Variants in FBXO47 observed in about 807,000 individuals in gnomAD.
FBXO47 encodes the protein F-box protein 47.
FBXO47 carries 34 observed loss-of-function variants against 53.9 expected under a neutral mutation model. The ratio of observed to expected loss-of-function variants is 0.63; its 90% CI spans 0.48 to 0.84. FBXO47 has a LOEUF of 0.84. Ranked by LOEUF, FBXO47 falls within the 40% of genes least tolerant of loss-of-function variation. The pLI is 0.00. For missense variants in FBXO47, 485 were observed against 541.3 expected, an observed-to-expected ratio of 0.90 and a Z score of 1.03; for synonymous variants, 165 against 181.6, an observed-to-expected ratio of 0.91 and a Z score of 0.73.
chr17:38,961,751 ACAT>A, intron 3 of FBXO47, 123 bp downstream of exon 3: 1 of 791,044 alleles, frequency 1.3e-6, no homozygotes, highest in Non-Finnish European at 2.0e-6. Context: ...AAGAGTAAAA[ACAT>A]CATAGAAACA....
At chr17:38,941,309 ACAGGCACCTGCCACCACAC>A (rs1182110894) in intron 9 of FBXO47, among the ~76,000 whole-genome samples, 1 of 151,552 alleles carries the variant, frequency 6.6e-6, no homozygotes, top group Non-Finnish European at 1.5e-5. Flanking sequence ...AGCTGGGATT[ACAGGCACCTGCCACCACAC>A]CTGGCTAATT....
chr17:38,946,386 ATATATC>A lies in FBXO47; in HGVS notation c.617-1256_617-1251del, dbSNP rs1193819305. ...AATATATAGATATATATATAAATAT[ATATATC>A]TATATATAAATATATAGATATATAT... On this transcript the variant is annotated intron_variant, in intron 6 of 10. Coordinates refer to ENST00000378079, the MANE Select transcript of FBXO47 (RefSeq NM_001008777.3). Among the ~76,000 whole-genome samples the A allele has an allele frequency of 3.7e-4, 34 of 93,052 alleles. 1 individual carries two copies. Among genetic ancestry groups the A allele is most frequent in the Non-Finnish European group, 6.0e-4 (34 of 56,870 alleles). 61.0% of individuals were successfully genotyped at this position (93,052 alleles called of 152,430 possible).
At chr17:38,948,150 C>T (rs956264040) in intron 6 of FBXO47, among the ~76,000 whole-genome samples, 3 of 151,812 alleles carry the variant, frequency 2.0e-5, no homozygotes, top group Admixed American at 1.3e-4. Context: ...CTTTACCACC[C>T]CTAGCCCTAT....
chr17:38,965,935 A>C (rs1906095110), intron 1 of FBXO47, among the ~76,000 whole-genome samples: 1 of 151,836 alleles, frequency 6.6e-6, no homozygotes, highest in Admixed American at 6.6e-5. Context: ...ATACAGCTAA[A>C]CAAGAAGAAA....
chr17:38,942,949 A>G, intron 8 of FBXO47, 29 bp from the exon 9 acceptor site: 2 of 1,576,264 alleles, frequency 1.3e-6, no homozygotes, highest in South Asian at 2.3e-5. Flanking sequence ...CAATTATTTA[A>G]TGAGAAATCA....
chr17:38,951,754 G>T, intron 5 of FBXO47, 65 bp from the exon 6 acceptor site: 5 of 1,235,920 alleles, frequency 4.0e-6, no homozygotes, highest in Non-Finnish European at 5.9e-6. Flanking sequence ...AGTCACACCA[G>T]GCATGGTGGC....
intron 9 of FBXO47, among the ~76,000 whole-genome samples, chr17:38,942,274 G>A (rs529853107): frequency 6.6e-6 from 1 of 152,196 alleles, no homozygotes; most frequent in East Asian, 1.9e-4. Context: ...TAGAAGGGAT[G>A]ATTCCAAATA....
intron 6 of FBXO47, among the ~76,000 whole-genome samples, chr17:38,950,268 G>A (rs561979007): frequency 6.6e-6 from 1 of 151,926 alleles, no homozygotes; most frequent in African/African-American, 2.4e-5. Context: ...GTAGAATCAT[G>A]TAATATTTGT....
At chr17:38,962,171 G>T in intron 2 of FBXO47, 124 bp from the exon 3 acceptor site, 1 of 729,618 alleles carries the variant, frequency 1.4e-6, no homozygotes. Context: ...TCATCCCTTT[G>T]GGAAAAAAGG....
intron 6 of FBXO47, among the ~76,000 whole-genome samples, chr17:38,950,591 C>G (rs1383362441): frequency 6.6e-6 from 1 of 151,684 alleles, no homozygotes; most frequent in Non-Finnish European, 1.5e-5. Flanking sequence ...TGAGCCACTG[C>G]CCTCTGCCTG....
intron 6 of FBXO47, 70 bp downstream of exon 6, chr17:38,951,511 C>T (rs1046498082): frequency 2.0e-5 from 25 of 1,234,150 alleles, no homozygotes; most frequent in Non-Finnish European, 2.7e-5. Flanking sequence ...CTTTTAATTA[C>T]ATTTTTAAAA....
intron 6 of FBXO47, among the ~76,000 whole-genome samples, chr17:38,945,767 T>A (rs1294578638): frequency 6.6e-6 from 1 of 151,300 alleles, no homozygotes; most frequent in Non-Finnish European, 1.5e-5. Flanking sequence ...AAACCCTGTC[T>A]CTACTAAATA....
intron 9 of FBXO47, among the ~76,000 whole-genome samples, chr17:38,940,374 C>A (rs1426145330): frequency 2.0e-5 from 3 of 151,836 alleles, no homozygotes; most frequent in African/African-American, 7.3e-5. Flanking sequence ...TATAGTGCTG[C>A]CAAAATGATC....
intron 4 of FBXO47, 46 bp from the exon 5 acceptor site, chr17:38,954,979 G>T: frequency 7.5e-7 from 1 of 1,341,134 alleles, no homozygotes; most frequent in Non-Finnish European, 1.0e-6. Context: ...TGAAACTATA[G>T]TTTGACAATG....
chr17:38,948,072 T>A (rs1424392760), intron 6 of FBXO47, among the ~76,000 whole-genome samples: 1 of 152,086 alleles, frequency 6.6e-6, no homozygotes, highest in Non-Finnish European at 1.5e-5. Context: ...ACAGCCAATT[T>A]TAGAACATTT....
intron 6 of FBXO47, among the ~76,000 whole-genome samples, chr17:38,951,198 TA>T (rs1158134476): frequency 2.0e-5 from 3 of 150,886 alleles, no homozygotes; most frequent in African/African-American, 7.3e-5. Context: ...GCCCACTATT[TA>T]TTTTTTTATT....
intron 6 of FBXO47, among the ~76,000 whole-genome samples, chr17:38,947,722 A>C (rs1265301033): frequency 6.6e-6 from 1 of 152,150 alleles, no homozygotes; most frequent in African/African-American, 2.4e-5. Context: ...ATCCTGGCTA[A>C]CATGGTGAAA....
chr17:38,952,386 A>G (rs1256481279), intron 5 of FBXO47, among the ~76,000 whole-genome samples: 1 of 152,144 alleles, frequency 6.6e-6, no homozygotes, highest in African/African-American at 2.4e-5. Context: ...TGTTTTTAGC[A>G]TATGATCAAG....
intron 7 of FBXO47, 113 bp downstream of exon 7, chr17:38,944,847 C>CGTGTGTGTGTGTGTGTGTGT (rs1462853688): frequency 7.5e-6 from 3 of 400,422 alleles, no homozygotes; most frequent in South Asian, 5.2e-5. Context: ...TGCGTGCATG[C>CGTGTGTGTGTGTGTGTGTGT]ATGTGTGTGT....
Sources: gnomAD v4.1 joint callset for allele counts (sites outside exome capture counted in the v4.1 genomes callset) on GRCh38, gnomAD v4.1.1 for gene constraint, MANE v1.5 for transcripts, NCBI Gene and HGNC (gene_info 2026-07-23, HGNC 2026-07-21) for gene names.